FRA10AC1: variants seen among roughly 807,000 people sequenced by gnomAD.
FRA10AC1 encodes protein FRA10AC1.
FRA10AC1 carries 43 observed loss-of-function variants against 56.5 expected under a neutral mutation model. The observed-to-expected ratio is 0.76, with a 90% confidence interval of 0.60 to 0.98. The LOEUF (loss-of-function observed/expected upper bound fraction) is 0.98. Ranked by LOEUF, FRA10AC1 falls within the 50% of genes least tolerant of loss-of-function variation. FRA10AC1 has a pLI of 0.00. For synonymous variants in FRA10AC1, 112 were observed against 110.5 expected (o/e 1.01, Z -0.09); for missense variants, 346 against 351.8 (o/e 0.98, Z 0.13).
chr10:93,670,405 G>T (rs1406829691), intron 13 of FRA10AC1, among the ~76,000 whole-genome samples: 3 of 152,060 alleles, frequency 2.0e-5, no homozygotes, highest in Non-Finnish European at 2.9e-5. Flanking sequence ...AGACCAGTGG[G>T]ATAGCAGTAT....
rs60832838 is a variant in FRA10AC1, at chr10:93,702,522, A to ACCACCACCGCCGCCG, written c.-149_-148insCGGCGGCGGTGGTGG. The ACCACCACCGCCGCCG allele has an allele frequency of 1.5e-4, 32 of 215,954 alleles. No homozygotes were observed. Among genetic ancestry groups the ACCACCACCGCCGCCG allele is most frequent in the Middle Eastern group, 2.0e-3 (1 of 512 alleles). 13.4% of individuals were successfully genotyped at this position (215,954 alleles called of 1,614,324 possible). Reference sequence around the variant, plus strand: ...GCCGCACAGCCTCGCCACAACCACCACCGCCGCCGCCGCCGCCGCCGCCGC... The same window carrying ACCACCACCGCCGCCG: ...GCCGCACAGCCTCGCCACAACCACCACCACCACCGCCGCCGCCGCCGCCGCCGCCGCCGCCGCCGC... On this transcript the variant is annotated 5_prime_UTR_variant, in exon 1 of 14. Coordinates refer to ENST00000359204, the MANE Select transcript of FRA10AC1 (RefSeq NM_145246.5).
At chr10:93,690,307 T>C (rs898035387) in intron 7 of FRA10AC1, among the ~76,000 whole-genome samples, 1 of 152,204 alleles carries the variant, frequency 6.6e-6, no homozygotes, top group African/African-American at 2.4e-5. Context: ...CTGCGAGTCA[T>C]ATCGGATTTC....
chr10:93,694,630 C>T (rs2059197213), intron 5 of FRA10AC1, among the ~76,000 whole-genome samples: 1 of 146,738 alleles, frequency 6.8e-6, no homozygotes, highest in Non-Finnish European at 1.5e-5. Flanking sequence ...AGGAGAATCG[C>T]TTGAACCACA....
In FRA10AC1 at chr10:93,676,817, T is replaced by G. The variant is rs1336123670; in HGVS notation, c.788-126A>C. On this transcript the variant is annotated intron_variant, in intron 11 of 13. Transcript: ENST00000359204. ...GTCTTACAGATAAGCACTTCACTGT[T>G]TTCTAATCTTTCATGTTCCTTAGTC... The G allele has an allele frequency of 3.8e-6, 5 of 1,309,908 alleles. No homozygotes were observed. In the African/African-American group the frequency reaches 6.1e-5, roughly 16 times the overall value. The allele number at this position is 1,309,908 out of a possible 1,614,324, so 81.1% of individuals were successfully genotyped here. A position where few individuals can be genotyped will look rare whatever the true frequency, so the allele number is the denominator to read the frequency against.
In FRA10AC1 at chr10:93,699,936, A is replaced by G. The variant is rs79130886; in HGVS notation, c.77+94T>C. 4.4e-3 allele frequency: 3,137 copies of G among 708,504 alleles called. 66 individuals carry two copies. The African/African-American group carries it at 0.051, about 11-fold the overall frequency. 43.9% of individuals were successfully genotyped at this position (708,504 alleles called of 1,614,324 possible). A position where few individuals can be genotyped will look rare whatever the true frequency, so the allele number is the denominator to read the frequency against. On this transcript the variant is annotated intron_variant, in intron 2 of 13. Transcript: ENST00000359204. ...CACTAGAGCAATTGTCTTCACATGTAAACAGAATTCAAAAATTTCACTCTT... is the reference window on the plus strand; with the variant it reads ...CACTAGAGCAATTGTCTTCACATGTGAACAGAATTCAAAAATTTCACTCTT...
intron 2 of FRA10AC1, 84 bp downstream of exon 2, chr10:93,699,946 C>T (rs2133947466): frequency 2.6e-6 from 2 of 774,904 alleles, no homozygotes; most frequent in East Asian, 2.7e-5. Flanking sequence ...AAACAGAATT[C>T]AAAAATTTCA....
At position 93,698,126 on chromosome 10, in the gene FRA10AC1, A is replaced by T; in HGVS notation, c.219+10T>A. On this transcript the variant is annotated intron_variant, in intron 4 of 13. Transcript: ENST00000359204. ...CTAGTTATAAAAATCTGGAAATAAA[A>T]AAAGGATACAGCATCCATAGCTATG... is the stretch of plus-strand genomic sequence containing the variant. The T allele has an allele frequency of 6.7e-7, 1 of 1,486,994 alleles. No individual in the cohort carries two copies. Among genetic ancestry groups the T allele is most frequent in the Non-Finnish European group, 9.0e-7 (1 of 1,107,260 alleles). The allele number at this position is 1,486,994 out of a possible 1,614,324, so 92.1% of individuals were successfully genotyped here. A position where few individuals can be genotyped will look rare whatever the true frequency, so the allele number is the denominator to read the frequency against.
intron 4 of FRA10AC1, among the ~76,000 whole-genome samples, 196 bp from the exon 5 acceptor site, chr10:93,695,133 T>C (rs1297181376): frequency 6.6e-6 from 1 of 152,152 alleles, no homozygotes; most frequent in African/African-American, 2.4e-5. Context: ...GATTGTAAAG[T>C]ACAGGCTTTC....
intron 8 of FRA10AC1, among the ~76,000 whole-genome samples, chr10:93,685,943 T>G (rs2059019670): frequency 6.6e-6 from 1 of 151,814 alleles, no homozygotes; most frequent in South Asian, 2.1e-4. Flanking sequence ...TACTCTAAAT[T>G]TTAGAATAAC....
At chr10:93,680,645 A>C (rs1383052063) in intron 11 of FRA10AC1, among the ~76,000 whole-genome samples, 9 of 152,216 alleles carry the variant, frequency 5.9e-5, no homozygotes, top group Admixed American at 5.2e-4. Context: ...CATTGGCTTG[A>C]ATCTAATTCA....
chr10:93,686,854 G>C (rs1296109694), intron 8 of FRA10AC1, among the ~76,000 whole-genome samples: 4 of 151,786 alleles, frequency 2.6e-5, no homozygotes, highest in African/African-American at 9.7e-5. Context: ...AAAATTTAAT[G>C]AATAGATTTA....
At chr10:93,676,421 C>G (rs962847826) in intron 12 of FRA10AC1, among the ~76,000 whole-genome samples, 1 of 152,058 alleles carries the variant, frequency 6.6e-6, no homozygotes, top group Admixed American at 6.6e-5. Context: ...ATTGTATTTA[C>G]TGGAAAAATT....
At position 93,673,299 on chromosome 10, in the gene FRA10AC1, G is replaced by A. The variant is rs1043949794; in HGVS notation, c.827-2451C>T. ...CAAATATCCATACAGTAATTTCCATGTCTACTTCCTCACCTCTTCCCTCCC... is the reference window on the plus strand; with the variant it reads ...CAAATATCCATACAGTAATTTCCATATCTACTTCCTCACCTCTTCCCTCCC... On this transcript the variant is annotated intron_variant, in intron 12 of 13. Coordinates refer to ENST00000359204, the MANE Select transcript of FRA10AC1 (RefSeq NM_145246.5). The A allele has an allele frequency of 1.1e-5, 5 of 456,308 alleles. No individual in the cohort carries two copies. In the Admixed American group the frequency reaches 1.2e-4, roughly 11 times the overall value. The allele number at this position is 456,308 out of a possible 1,614,324, so 28.3% of individuals were successfully genotyped here.
intron 8 of FRA10AC1, 79 bp from the exon 9 acceptor site, chr10:93,685,438 G>GT (rs1250180105): frequency 3.0e-6 from 2 of 675,854 alleles, no homozygotes; most frequent in Non-Finnish European, 5.1e-6. Context: ...CCCCTAAAAT[G>GT]TACTTCTAAA....
intron 11 of FRA10AC1, among the ~76,000 whole-genome samples, chr10:93,678,932 C>T (rs1267662343): frequency 1.3e-5 from 2 of 151,678 alleles, no homozygotes; most frequent in Non-Finnish European, 2.9e-5. Context: ...AGTCCAAACG[C>T]AGCTGAGATG....
chr10:93,680,394 T>C (rs1037373914), intron 11 of FRA10AC1, among the ~76,000 whole-genome samples: 1 of 152,054 alleles, frequency 6.6e-6, no homozygotes, highest in Non-Finnish European at 1.5e-5. Flanking sequence ...CAATAAGCAA[T>C]AAAATAACAA....
At chr10:93,700,245 T>A in intron 1 of FRA10AC1, 139 bp from the exon 2 acceptor site, 1 of 518,830 alleles carries the variant, frequency 1.9e-6, no homozygotes, top group Non-Finnish European at 3.4e-6. Context: ...TCACAGGCCA[T>A]CTAGCCATCT....
chr10:93,692,630 T>C lies in FRA10AC1; in HGVS notation c.380+16A>G. On this transcript the variant is annotated intron_variant, in intron 6 of 13. Coordinates refer to ENST00000359204, the MANE Select transcript of FRA10AC1 (RefSeq NM_145246.5). ...ACTAAAGCATTTGATGCATTACGCC[T>C]CTGATGGCTAATTACCAAGTCATGT... The C allele has an allele frequency of 1.3e-6, 2 of 1,538,306 alleles. No homozygotes were observed. The highest frequency in any genetic ancestry group is 1.8e-6 in the Non-Finnish European group (2 of 1,122,672).
chr10:93,689,292 C>G (rs531760323), intron 7 of FRA10AC1, among the ~76,000 whole-genome samples: 16 of 151,938 alleles, frequency 1.1e-4, no homozygotes, highest in Admixed American at 3.3e-4. Flanking sequence ...AATCATTAAT[C>G]TATTACTTGA....
Sources: allele counts gnomAD v4.1 joint callset (sites outside exome capture counted in the v4.1 genomes callset), GRCh38; gene constraint gnomAD v4.1.1; transcripts MANE v1.5; gene names NCBI Gene and HGNC (gene_info 2026-07-23, HGNC 2026-07-21).